NFIB: variants seen among roughly 807,000 people sequenced by gnomAD.
NFIB encodes nuclear factor 1 B-type.
A neutral mutation model predicts 61.5 loss-of-function variants in NFIB; 11 were observed. The ratio of observed to expected loss-of-function variants is 0.18; its 90% CI spans 0.11 to 0.30. The LOEUF is 0.30. NFIB is among the 10% of genes least tolerant of loss of function. The pLI is 1.00. For missense variants in NFIB, 471 were observed against 608.9 expected, an observed-to-expected ratio of 0.77 and a Z score of 2.38; for synonymous variants, 260 against 216.5, an observed-to-expected ratio of 1.20 and a Z score of -1.76.
the NFIB span, among the ~76,000 whole-genome samples, chr9:14,469,399 T>G: frequency 5.9e-5 from 9 of 152,178 alleles, no homozygotes; most frequent in African/African-American, 2.2e-4. Context: ...AAATGTGGAT[T>G]CGGAACCCAT....
At chr9:14,151,271 T>C (rs2042843508) in intron 4 of NFIB, among the ~76,000 whole-genome samples, 1 of 152,084 alleles carries the variant, frequency 6.6e-6, no homozygotes, top group Non-Finnish European at 1.5e-5. Context: ...TAGACTGGAA[T>C]GGTTAGCAAA....
At chr9:14,467,775 G>A in the NFIB span, among the ~76,000 whole-genome samples, 1 of 152,210 alleles carries the variant, frequency 6.6e-6, no homozygotes, top group African/African-American at 2.4e-5. Context: ...AACTGTGTCT[G>A]TGGAGCCCTT....
In NFIB at chr9:14,249,327, C is replaced by T. The variant is rs182602200; in HGVS notation, c.562+57662G>A. 1.9e-3 allele frequency among the ~76,000 whole-genome samples: 295 copies of T among 152,184 alleles called. 1 individual carries two copies. The highest frequency in any genetic ancestry group is 6.9e-3 in the African/African-American group (287 of 41,514). ...AGTAAGTGGTGGAGATGAGATACTACCTAAGATTTAGCTTTTTTCTTTTCT... is the reference window on the plus strand; with the variant it reads ...AGTAAGTGGTGGAGATGAGATACTATCTAAGATTTAGCTTTTTTCTTTTCT... On this transcript the variant is annotated intron_variant, in intron 2 of 10. Transcript: ENST00000380953.
the NFIB span, among the ~76,000 whole-genome samples, chr9:14,462,316 T>C: frequency 6.6e-6 from 1 of 151,882 alleles, no homozygotes; most frequent in Non-Finnish European, 1.5e-5. Flanking sequence ...AGAGTCTTGC[T>C]CTGTTGCCCA....
chr9:14,369,949 C>T (rs141938397), intron 1 of NFIB, among the ~76,000 whole-genome samples: 7 of 152,294 alleles, frequency 4.6e-5, no homozygotes, highest in Non-Finnish European at 7.4e-5. Flanking sequence ...ATCTCTTTAC[C>T]CCCAGGGTAA....
intron 2 of NFIB, chr9:14,204,247 G>T: frequency 1.6e-6 from 1 of 616,598 alleles, no homozygotes; most frequent in South Asian, 2.0e-5. Flanking sequence ...CACTGCCCAA[G>T]ATGTGGAAAG....
chr9:14,473,003 T>C, the NFIB span, among the ~76,000 whole-genome samples: 3 of 152,210 alleles, frequency 2.0e-5, no homozygotes, highest in Admixed American at 6.5e-5. Flanking sequence ...TGAAGCATCT[T>C]AACATCCAGG....
chr9:14,386,009 C>T (rs1346051458), intron 1 of NFIB, among the ~76,000 whole-genome samples: 2 of 152,114 alleles, frequency 1.3e-5, no homozygotes, highest in Non-Finnish European at 2.9e-5. Flanking sequence ...TCTCAAACTC[C>T]TGACCTCAGG....
chr9:14,206,443 A>G (rs537931756), intron 2 of NFIB, among the ~76,000 whole-genome samples: 47 of 152,196 alleles, frequency 3.1e-4, no homozygotes, highest in African/African-American at 1.0e-3. Context: ...TGCTGGGATT[A>G]CAGGTGTGAG....
At chr9:14,294,118 A>G (rs1188820696) in intron 2 of NFIB, among the ~76,000 whole-genome samples, 1 of 152,260 alleles carries the variant, frequency 6.6e-6, no homozygotes, top group Non-Finnish European at 1.5e-5. Context: ...TGTTAGTACT[A>G]AGAAGTCATT....
At chr9:14,425,892 C>T in the NFIB span, among the ~76,000 whole-genome samples, 5 of 152,090 alleles carry the variant, frequency 3.3e-5, no homozygotes, top group Non-Finnish European at 7.3e-5. Flanking sequence ...TCAGTAGATG[C>T]TCTAGGGGGA....
Position 14,350,837 on chromosome 9 carries a change from T to G in NFIB, c.109-43317A>C, listed in dbSNP as rs1172010078. ...CTCCCATCTGCTTCCAACAACCCCC[T>G]TACAATGTCAGAAAATCTTCCTGCC... On this transcript the variant is annotated intron_variant, in intron 1 of 8. Coordinates refer to the NFIB transcript ENST00000380934. Among the ~76,000 whole-genome samples the G allele has an allele frequency of 5.3e-5, 8 of 152,142 alleles. No homozygotes were observed. In the East Asian group the frequency reaches 1.5e-3, roughly 29 times the overall value.
the NFIB span, among the ~76,000 whole-genome samples, chr9:14,428,171 C>T: frequency 6.6e-6 from 1 of 151,918 alleles, no homozygotes; most frequent in Non-Finnish European, 1.5e-5. Context: ...GCCTCAAATT[C>T]CTGGGCTCAA....
At chr9:14,340,495 G>T (rs2060937144) in intron 1 of NFIB, among the ~76,000 whole-genome samples, 1 of 152,220 alleles carries the variant, frequency 6.6e-6, no homozygotes, top group South Asian at 2.1e-4. Context: ...AAGCTCCCCA[G>T]ATGATTCTAA....
intron 2 of NFIB, among the ~76,000 whole-genome samples, chr9:14,287,485 G>A (rs1011240582): frequency 7.2e-5 from 11 of 151,964 alleles, no homozygotes; most frequent in Admixed American, 6.5e-4. Context: ...GCGCAATGGC[G>A]CGATCTCGGC....
intron 1 of NFIB, among the ~76,000 whole-genome samples, chr9:14,339,942 G>C (rs2060930458): frequency 6.6e-6 from 1 of 152,198 alleles, no homozygotes; most frequent in African/African-American, 2.4e-5. Context: ...GCCTGGCTAA[G>C]CTTATGGGTT....
chr9:14,202,298 G>A (rs1020715187), intron 2 of NFIB, among the ~76,000 whole-genome samples: 2 of 152,106 alleles, frequency 1.3e-5, no homozygotes, highest in African/African-American at 2.4e-5. Context: ...TGGTATGATG[G>A]CACAACAGCT....
chr9:14,213,387 C>A (rs73413897), intron 2 of NFIB, among the ~76,000 whole-genome samples: 1 of 152,092 alleles, frequency 6.6e-6, no homozygotes, highest in African/African-American at 2.4e-5. Context: ...TCAGGTCCAC[C>A]ATCCATTCTC....
chr9:14,111,739 T>G (rs1276188621), intron 10 of NFIB, among the ~76,000 whole-genome samples: 1 of 152,204 alleles, frequency 6.6e-6, no homozygotes, highest in Admixed American at 6.5e-5. Context: ...CTAATTATTA[T>G]TATTTGGTAT....
Sources: gnomAD v4.1 joint callset for allele counts (sites outside exome capture counted in the v4.1 genomes callset) on GRCh38, gnomAD v4.1.1 for gene constraint, MANE v1.5 for transcripts, NCBI Gene and HGNC (gene_info 2026-07-23, HGNC 2026-07-21) for gene names.